The following KCNK2 variants were observed in gnomAD, a reference collection of about 807,000 sequenced individuals.
KCNK2 encodes potassium two pore domain channel subfamily K member 2, also known as potassium channel subfamily K member 2.
Under a neutral mutation model 40.5 loss-of-function variants are expected in KCNK2, and 21 were observed. The observed-to-expected ratio is 0.52, with a 90% confidence interval of 0.37 to 0.75. The LOEUF is 0.75. Among genes scored for constraint, KCNK2 ranks in the 30% least tolerant of loss-of-function variants. The probability of loss-of-function intolerance (pLI) is 0.00; values close to 1 mark genes in which losing one functional copy is unlikely to be tolerated. For missense variants in KCNK2, 399 were observed against 531.6 expected, an observed-to-expected ratio of 0.75 and a Z score of 2.45; for synonymous variants, 191 against 202.2, an observed-to-expected ratio of 0.94 and a Z score of 0.47.
chr1:215,087,131 A>C (rs867575486), intron 2 of KCNK2, among the ~76,000 whole-genome samples: 2 of 152,212 alleles, frequency 1.3e-5, no homozygotes, highest in African/African-American at 4.8e-5. Flanking sequence ...ATGTGCTTTA[A>C]TCTTGGCAGT....
intron 4 of KCNK2, among the ~76,000 whole-genome samples, chr1:215,169,712 C>A (rs1364831783): frequency 6.6e-6 from 1 of 151,262 alleles, no homozygotes; most frequent in Non-Finnish European, 1.5e-5. Flanking sequence ...TGGGTGCAAT[C>A]TTGGCTCACT....
intron 3 of KCNK2, among the ~76,000 whole-genome samples, chr1:215,148,080 CTTTTTTTT>C (rs756218432): frequency 1.8e-5 from 2 of 111,180 alleles, no homozygotes; most frequent in South Asian, 3.0e-4. Context: ...TTTTCTTTTC[CTTTTTTTT>C]TTTTTTTTTT....
At chr1:215,185,493 A>C (rs1664397949) in intron 5 of KCNK2, among the ~76,000 whole-genome samples, 1 of 152,158 alleles carries the variant, frequency 6.6e-6, no homozygotes, top group African/African-American at 2.4e-5. Context: ...TTTTTAAAGG[A>C]TCTTGGAAAA....
At position 215,060,697 on chromosome 1, in the gene KCNK2, CA is replaced by C. The variant is rs545854639; in HGVS notation, c.35-25670del. 1.9e-3 allele frequency among the ~76,000 whole-genome samples: 291 copies of C among 152,222 alleles called. 2 individuals carry two copies. The highest frequency in any genetic ancestry group is 4.0e-3 in the Admixed American group (61 of 15,276). Reference sequence around the variant, plus strand: ...TTTGTATCAACTAGTCCACAGTGTTCACTTGAAACTCATTCTTTGTTCTGAT... The same window carrying C: ...TTTGTATCAACTAGTCCACAGTGTTCCTTGAAACTCATTCTTTGTTCTGAT... On this transcript the variant is annotated intron_variant, in intron 1 of 6. Coordinates refer to the KCNK2 transcript ENST00000391895.
chr1:215,131,511 TATTA>T (rs969408851), intron 3 of KCNK2, among the ~76,000 whole-genome samples: 1 of 147,486 alleles, frequency 6.8e-6, no homozygotes, highest in African/African-American at 2.5e-5. Context: ...TATAAAATTA[TATTA>T]ATTATAATTA....
chr1:215,083,172 G>T lies in KCNK2; in HGVS notation c.-214G>T. The T allele has an allele frequency of 1.8e-6, 2 of 1,082,212 alleles. No homozygotes were observed. Among genetic ancestry groups the T allele is most frequent in the Non-Finnish European group, 2.7e-6 (2 of 739,166 alleles). The allele number at this position is 1,082,212 out of a possible 1,614,324, so 67.0% of individuals were successfully genotyped here. ...AGCCCGCCGGTGTCCCCTCCTTCCC[G>T]CGATTTCGTTTCTTCTCACGCTCCC... On this transcript the variant is annotated 5_prime_UTR_variant, in exon 1 of 7. Coordinates refer to ENST00000444842, the MANE Select transcript of KCNK2 (RefSeq NM_001017425.3).
At chr1:215,023,174 G>A (rs1384994792) in intron 1 of KCNK2, among the ~76,000 whole-genome samples, 1 of 152,004 alleles carries the variant, frequency 6.6e-6, no homozygotes, top group Non-Finnish European at 1.5e-5. Flanking sequence ...ATCCCTTCTT[G>A]CATTTTAGGA....
At chr1:215,032,128 G>T (rs1425597406) in intron 1 of KCNK2, among the ~76,000 whole-genome samples, 16 of 147,748 alleles carry the variant, frequency 1.1e-4, no homozygotes, top group African/African-American at 3.3e-4. Context: ...TTTTAGAAGG[G>T]CAGGGACAGT....
chr1:215,172,650 A>ATTAT (rs1012210731), intron 5 of KCNK2, among the ~76,000 whole-genome samples: 67 of 152,008 alleles, frequency 4.4e-4, no homozygotes, highest in South Asian at 2.1e-3. Flanking sequence ...GCCTTCTATT[A>ATTAT]TTATTTATTT....
At chr1:215,141,591 C>T (rs746509893) in intron 3 of KCNK2, among the ~76,000 whole-genome samples, 14 of 152,060 alleles carry the variant, frequency 9.2e-5, no homozygotes, top group Non-Finnish European at 1.9e-4. Flanking sequence ...TACATAGGTG[C>T]AATAAATATT....
intron 3 of KCNK2, among the ~76,000 whole-genome samples, chr1:215,126,544 A>G (rs1449917672): frequency 6.6e-6 from 1 of 152,168 alleles, no homozygotes. Context: ...CGAAAATTCA[A>G]AAGTCTAAGT....
At chr1:215,226,959 C>A (rs1019713287) in intron 6 of KCNK2, among the ~76,000 whole-genome samples, 2 of 152,094 alleles carry the variant, frequency 1.3e-5, no homozygotes, top group Non-Finnish European at 2.9e-5. Flanking sequence ...TGCTTTTCAC[C>A]GGCTGCATCT....
intron 3 of KCNK2, among the ~76,000 whole-genome samples, chr1:215,149,886 ACTGC>A (rs928194988): frequency 1.3e-5 from 2 of 152,194 alleles, no homozygotes; most frequent in African/African-American, 2.4e-5. Flanking sequence ...AAGATGAGAG[ACTGC>A]CTGAGTAGAA....
intron 1 of KCNK2, among the ~76,000 whole-genome samples, chr1:215,021,298 T>C (rs1036982482): frequency 1.3e-5 from 2 of 152,114 alleles, no homozygotes; most frequent in African/African-American, 4.8e-5. Flanking sequence ...TGATGGTTGA[T>C]TTTAGGTGTC....
At chr1:215,075,053 CTGTA>C (rs1448782713) in intron 1 of KCNK2, among the ~76,000 whole-genome samples, 1 of 152,118 alleles carries the variant, frequency 6.6e-6, no homozygotes, top group East Asian at 1.9e-4. Context: ...TTAACATATG[CTGTA>C]TGTACACTGG....
At chr1:215,060,088 C>T (rs1658316316) in intron 1 of KCNK2, among the ~76,000 whole-genome samples, 1 of 152,174 alleles carries the variant, frequency 6.6e-6, no homozygotes, top group African/African-American at 2.4e-5. Flanking sequence ...CCTTCACTTT[C>T]CCTGTGGCTC....
intron 1 of KCNK2, among the ~76,000 whole-genome samples, chr1:215,068,391 C>A (rs569339748): frequency 6.6e-6 from 1 of 152,128 alleles, no homozygotes; most frequent in Non-Finnish European, 1.5e-5. Flanking sequence ...TTACTTCAGG[C>A]GAAAGAAACA....
At chr1:215,142,132 G>T (rs1451740953) in intron 3 of KCNK2, among the ~76,000 whole-genome samples, 1 of 151,844 alleles carries the variant, frequency 6.6e-6, no homozygotes, top group Admixed American at 6.6e-5. Flanking sequence ...TTTTGCAATT[G>T]CATATTCAGT....
rs915726021 is a variant in KCNK2 at position 215,011,975 on chromosome 1, A to G, written c.34+6020A>G. Among the ~76,000 whole-genome samples the G allele has an allele frequency of 1.9e-4, 29 of 151,976 alleles. 1 individual carries two copies. Among genetic ancestry groups the G allele is most frequent in the African/African-American group, 1.5e-4 (6 of 41,378 alleles). ...TCCTTCTTGTTGTTGTTGTGTGTGT[A>G]TATCAGTAGTTTGTTTCTTTTTATT... is the stretch of plus-strand genomic sequence containing the variant. On this transcript the variant is annotated intron_variant, in intron 1 of 6. Transcript: ENST00000391895.
Sources: allele counts gnomAD v4.1 joint callset (sites outside exome capture counted in the v4.1 genomes callset), GRCh38; gene constraint gnomAD v4.1.1; transcripts MANE v1.5; gene names NCBI Gene and HGNC (gene_info 2026-07-23, HGNC 2026-07-21).